OSBPL9: variants seen among roughly 807,000 people sequenced by gnomAD.
The protein encoded by OSBPL9 is oxysterol binding protein like 9.
A neutral mutation model predicts 106.6 loss-of-function variants in OSBPL9; 40 were observed. The ratio of observed to expected loss-of-function variants is 0.38; its 90% CI spans 0.29 to 0.49. The LOEUF is 0.49. OSBPL9 is among the 20% of genes least tolerant of loss of function. The probability of loss-of-function intolerance (pLI) is 0.97; values close to 1 mark genes in which losing one functional copy is unlikely to be tolerated. For synonymous variants in OSBPL9, 269 were observed against 295.4 expected, an observed-to-expected ratio of 0.91 and a Z score of 0.92; for missense variants, 609 against 887.2, an observed-to-expected ratio of 0.69 and a Z score of 3.98.
chr1:51,714,186 A>C (rs1660620935), intron 4 of OSBPL9, 107 bp downstream of exon 4: 1 of 745,274 alleles, frequency 1.3e-6, no homozygotes, highest in African/African-American at 1.8e-5. Flanking sequence ...TGTAATAGGA[A>C]CTTATAATTT....
intron 2 of OSBPL9, among the ~76,000 whole-genome samples, chr1:51,668,438 A>G (rs1363490536): frequency 6.6e-6 from 1 of 152,164 alleles, no homozygotes. Flanking sequence ...CCTGGCCAAC[A>G]AGGTGAAACC....
intron 1 of OSBPL9, among the ~76,000 whole-genome samples, chr1:51,589,222 G>A (rs934528405): frequency 1.3e-5 from 2 of 152,012 alleles, no homozygotes; most frequent in Middle Eastern, 6.8e-3. Context: ...CCAAGTAGCT[G>A]GGACCACAGG....
chr1:51,519,367 TC>T, the OSBPL9 span: 1 of 321,158 alleles, frequency 3.1e-6, no homozygotes, highest in East Asian at 5.0e-5. Context: ...ACAACTTCCC[TC>T]CCCACGCCCG....
At chr1:51,573,682 C>T (rs1645166170), upstream of OSBPL9, among the ~76,000 whole-genome samples, 1 of 149,986 alleles carries the variant, frequency 6.7e-6, no homozygotes, top group Non-Finnish European at 1.5e-5. Context: ...AGCAGGGTGG[C>T]GTGAGCCTTT....
At chr1:51,568,605 C>T in the OSBPL9 span, among the ~76,000 whole-genome samples, 16 of 152,294 alleles carry the variant, frequency 1.1e-4, no homozygotes, top group South Asian at 2.7e-3. Context: ...CCCAGGCTGT[C>T]GCCCAGGCTG....
chr1:51,552,212 G>A, the OSBPL9 span, among the ~76,000 whole-genome samples: 20 of 152,072 alleles, frequency 1.3e-4, no homozygotes. Context: ...TCCTCAAACT[G>A]AAAGTAAGCC....
Position 51,751,059 on chromosome 1 carries a change from A to G in OSBPL9, c.543+864A>G, listed in dbSNP as rs540692263. Among the ~76,000 whole-genome samples, 5 of 152,284 alleles carry G rather than the reference A, an allele frequency of 3.3e-5. No homozygotes were observed. In the South Asian group the frequency reaches 1.0e-3, roughly 32 times the overall value. On this transcript the variant is annotated intron_variant, in intron 8 of 23. Coordinates refer to ENST00000428468, the MANE Select transcript of OSBPL9 (RefSeq NM_024586.6). ...ATTTAGCTTATAAATTAAATGGGGCAATGTCATTTTCTTTTGAGGCCTGAT... is the reference window on the plus strand; with the variant it reads ...ATTTAGCTTATAAATTAAATGGGGCGATGTCATTTTCTTTTGAGGCCTGAT...
intron 1 of OSBPL9, among the ~76,000 whole-genome samples, chr1:51,594,247 T>A (rs58454013): frequency 0.011 from 1,601 of 151,210 alleles, 22 homozygotes; most frequent in African/African-American, 0.037. Flanking sequence ...AAATAAAAAA[T>A]AAATAAATAA....
the OSBPL9 span, among the ~76,000 whole-genome samples, chr1:51,560,232 C>G: frequency 6.0e-4 from 91 of 152,290 alleles, no homozygotes; most frequent in East Asian, 0.016. Context: ...GGACAGGTGG[C>G]TGTGGCTTCC....
chr1:51,653,038 C>T (rs1646614674), intron 2 of OSBPL9, among the ~76,000 whole-genome samples: 1 of 152,068 alleles, frequency 6.6e-6, no homozygotes, highest in Admixed American at 6.5e-5. Flanking sequence ...CTGGGAAATA[C>T]CGCTGAGAAA....
At chr1:51,689,358 A>AT (rs201306726) in intron 3 of OSBPL9, among the ~76,000 whole-genome samples, 164 of 150,866 alleles carry the variant, frequency 1.1e-3, no homozygotes, top group African/African-American at 2.7e-3. Flanking sequence ...TCTAACAGGC[A>AT]TTTTTTTTTC....
chr1:51,650,701 A>G (rs1557639730), intron 1 of OSBPL9, among the ~76,000 whole-genome samples: 1 of 152,184 alleles, frequency 6.6e-6, no homozygotes, highest in Non-Finnish European at 1.5e-5. Context: ...TAATCATTCA[A>G]TATTGGCTTG....
chr1:51,763,129 C>G (rs1299923737), intron 11 of OSBPL9, among the ~76,000 whole-genome samples: 1 of 152,098 alleles, frequency 6.6e-6, no homozygotes, highest in African/African-American at 2.4e-5. Context: ...CCTCAGCCTC[C>G]TGAGTAGCTG....
chr1:51,692,517 G>C (rs1655171466), intron 3 of OSBPL9, among the ~76,000 whole-genome samples: 1 of 152,066 alleles, frequency 6.6e-6, no homozygotes, highest in Non-Finnish European at 1.5e-5. Flanking sequence ...CAGCATCAGG[G>C]TGGCTATGTC....
intron 2 of OSBPL9, among the ~76,000 whole-genome samples, chr1:51,663,010 C>T (rs1338084552): frequency 1.3e-5 from 2 of 152,110 alleles, no homozygotes; most frequent in Non-Finnish European, 2.9e-5. Context: ...TCCCAAAGTA[C>T]TGGGATTACA....
intron 4 of OSBPL9, among the ~76,000 whole-genome samples, chr1:51,733,087 G>T (rs1664825959): frequency 6.6e-6 from 1 of 152,134 alleles, no homozygotes; most frequent in African/African-American, 2.4e-5. Context: ...CTTCCTTCAG[G>T]CAGGGTGAGT....
At chr1:51,619,900 C>T (rs991615909) in intron 1 of OSBPL9, among the ~76,000 whole-genome samples, 1 of 152,042 alleles carries the variant, frequency 6.6e-6, no homozygotes, top group African/African-American at 2.4e-5. Context: ...CCAAGCAAGG[C>T]AGTGAATAGC....
intron 3 of OSBPL9, among the ~76,000 whole-genome samples, chr1:51,688,783 G>A (rs1455007514): frequency 6.6e-6 from 1 of 152,178 alleles, no homozygotes; most frequent in East Asian, 1.9e-4. Flanking sequence ...TATAGATTGT[G>A]TTTTATGAGA....
chr1:51,691,771 T>G (rs186837150), intron 3 of OSBPL9, among the ~76,000 whole-genome samples: 1 of 152,252 alleles, frequency 6.6e-6, no homozygotes, highest in East Asian at 1.9e-4. Context: ...AAGTTTGTTT[T>G]TTTTTAAATG....
Sources: gnomAD v4.1 joint callset for allele counts (sites outside exome capture counted in the v4.1 genomes callset) on GRCh38, gnomAD v4.1.1 for gene constraint, MANE v1.5 for transcripts, NCBI Gene and HGNC (gene_info 2026-07-23, HGNC 2026-07-21) for gene names.